Variants in KCNH7 observed in about 807,000 individuals in gnomAD.
KCNH7 encodes potassium voltage-gated channel subfamily H member 7.
A neutral mutation model predicts 120.8 loss-of-function variants in KCNH7; 49 were observed. The observed-to-expected ratio is 0.41, with a 90% CI of 0.32 to 0.51. KCNH7 has a LOEUF of 0.51. Among genes scored for constraint, KCNH7 ranks in the 20% least tolerant of loss-of-function variants. The pLI, the probability that KCNH7 is intolerant of heterozygous loss-of-function variation, is 0.38. For missense variants in KCNH7, 1,097 were observed against 1,446.6 expected, an observed-to-expected ratio of 0.76 and a Z score of 3.92; for synonymous variants, 547 against 516.1, an observed-to-expected ratio of 1.06 and a Z score of -0.81.
intron 2 of KCNH7, among the ~76,000 whole-genome samples, chr2:162,703,425 A>G (rs906775899): frequency 2.6e-5 from 4 of 152,278 alleles, no homozygotes; most frequent in Middle Eastern, 6.8e-3. Context: ...CCTCAAAGGG[A>G]TAGAGTCCAT....
chr2:162,398,228 T>C (rs1302114719), intron 10 of KCNH7, among the ~76,000 whole-genome samples: 3 of 151,878 alleles, frequency 2.0e-5, no homozygotes, highest in African/African-American at 4.8e-5. Context: ...TTTTAGATTT[T>C]GGTAGACAAG....
intron 6 of KCNH7, among the ~76,000 whole-genome samples, chr2:162,452,321 T>A (rs899413535): frequency 1.3e-5 from 2 of 152,062 alleles, no homozygotes; most frequent in African/African-American, 4.8e-5. Context: ...TCTAAGATAG[T>A]TAAGAATGGA....
intron 2 of KCNH7, among the ~76,000 whole-genome samples, chr2:162,709,615 T>C (rs541811662): frequency 6.6e-6 from 1 of 152,240 alleles, no homozygotes; most frequent in East Asian, 1.9e-4. Flanking sequence ...TCTGTCCCTC[T>C]CTTCTTTTGT....
Position 162,569,572 on chromosome 2 carries a change from C to T in KCNH7, c.308-32492G>A, listed in dbSNP as rs1425289821. Among the ~76,000 whole-genome samples the T allele has an allele frequency of 4.9e-5, 7 of 141,636 alleles. No individual in the cohort carries two copies. In the East Asian group the frequency reaches 1.1e-3, roughly 22 times the overall value. The allele number at this position is 141,636 out of a possible 152,430, so 92.9% of individuals were successfully genotyped here. On this transcript the variant is annotated intron_variant, in intron 2 of 15. Coordinates refer to ENST00000332142, the MANE Select transcript of KCNH7 (RefSeq NM_033272.4). ...TTAGTTATTTCTTGCCTTCTGCTAG[C>T]TTTTGAATGTGTTTGCTCTTGCTTT...
intron 2 of KCNH7, among the ~76,000 whole-genome samples, chr2:162,687,054 T>C (rs1247784763): frequency 2.0e-5 from 3 of 151,996 alleles, no homozygotes; most frequent in African/African-American, 7.2e-5. Context: ...AAAAAGCGAG[T>C]GTCCCTCTAT....
At chr2:162,580,235 C>G (rs6722519) in intron 2 of KCNH7, among the ~76,000 whole-genome samples, 96,474 of 151,870 alleles carry the variant, frequency 0.64, 32,215 homozygotes, top group African/African-American at 0.84. Context: ...CCATCACTTA[C>G]AAATGATGTA....
At chr2:162,555,649 C>T (rs1399579768) in intron 2 of KCNH7, among the ~76,000 whole-genome samples, 2 of 152,062 alleles carry the variant, frequency 1.3e-5, no homozygotes, top group Non-Finnish European at 2.9e-5. Flanking sequence ...TTTTTTTGAA[C>T]TAAGTTGTTT....
At chr2:162,743,899 T>G (rs1006383842) in intron 2 of KCNH7, among the ~76,000 whole-genome samples, 3 of 152,050 alleles carry the variant, frequency 2.0e-5, no homozygotes, top group Admixed American at 6.5e-5. Flanking sequence ...ATAATACTAG[T>G]GGGTAAAACG....
intron 2 of KCNH7, among the ~76,000 whole-genome samples, chr2:162,816,645 T>C (rs78563349): frequency 0.033 from 5,025 of 152,248 alleles, 175 homozygotes; most frequent in African/African-American, 0.091. Flanking sequence ...GATTCACCAC[T>C]GCTATAAGAA....
At chr2:162,814,293 T>C (rs912129871) in intron 2 of KCNH7, among the ~76,000 whole-genome samples, 2 of 152,198 alleles carry the variant, frequency 1.3e-5, no homozygotes, top group African/African-American at 2.4e-5. Context: ...TCTAATTCCT[T>C]ATCATCTTAA....
Position 162,838,506 on chromosome 2 carries a change from T to A in KCNH7, c.13A>T (p.Arg5Trp), listed in dbSNP as rs1178855974. 1 of 1,613,036 alleles carries A rather than the reference T, an allele frequency of 6.2e-7. No homozygotes were observed. The highest frequency in any genetic ancestry group is 1.1e-5 in the South Asian group (1 of 91,034). MPVR[R>W]GHVAPQNTFL... ...GTATTTTGTGGTGCCACATGCCCCCTGCGCACAGGCATGTTGGCCCCGGTC... is the reference window on the plus strand; with the variant it reads ...GTATTTTGTGGTGCCACATGCCCCCAGCGCACAGGCATGTTGGCCCCGGTC... The change falls in exon 1 of 16, where the codon AGG (arginine) becomes TGG (tryptophan). Residue 5 changes from arginine (R) to tryptophan (W), a missense_variant. Arg to Trp is a moderately radical substitution (Grantham distance 101, BLOSUM62 -3). Coordinates refer to ENST00000332142, the MANE Select transcript of KCNH7 (RefSeq NM_033272.4).
intron 13 of KCNH7, among the ~76,000 whole-genome samples, chr2:162,384,014 G>A (rs937069855): frequency 6.6e-6 from 1 of 151,572 alleles, no homozygotes; most frequent in African/African-American, 2.4e-5. Context: ...CTAGCCTCTG[G>A]TATGCTAAAA....
intron 2 of KCNH7, among the ~76,000 whole-genome samples, chr2:162,610,034 C>T (rs1037912478): frequency 3.3e-5 from 5 of 152,180 alleles, no homozygotes; most frequent in African/African-American, 9.7e-5. Context: ...GTGTCTCTTT[C>T]TCTCACTAGC....
At chr2:162,764,694 C>A (rs777333895) in intron 2 of KCNH7, among the ~76,000 whole-genome samples, 14 of 152,094 alleles carry the variant, frequency 9.2e-5, no homozygotes, top group Non-Finnish European at 2.9e-5. Flanking sequence ...AAAATCAATT[C>A]ATGAGTTATT....
intron 6 of KCNH7, among the ~76,000 whole-genome samples, chr2:162,491,632 G>A (rs1690311312): frequency 6.6e-6 from 1 of 152,160 alleles, no homozygotes; most frequent in Admixed American, 6.5e-5. Flanking sequence ...AGGCCTCCCT[G>A]TTAACATGGG....
chr2:162,477,649 ATACT>A (rs958499151), intron 6 of KCNH7, among the ~76,000 whole-genome samples: 5 of 152,224 alleles, frequency 3.3e-5, no homozygotes, highest in Non-Finnish European at 2.9e-5. Context: ...TTTTGTTCTA[ATACT>A]TATTTATTTT....
At chr2:162,626,066 G>C (rs1047637065) in intron 2 of KCNH7, among the ~76,000 whole-genome samples, 1 of 152,126 alleles carries the variant, frequency 6.6e-6, no homozygotes, top group Non-Finnish European at 1.5e-5. Flanking sequence ...GTGGAGTACT[G>C]TAGATGTGGG....
In KCNH7 at chr2:162,623,503, G is replaced by T. The variant is rs115346462; in HGVS notation, c.308-86423C>A. On this transcript the variant is annotated intron_variant, in intron 2 of 15. Coordinates refer to ENST00000332142, the MANE Select transcript of KCNH7 (RefSeq NM_033272.4). Reference sequence around the variant, plus strand: ...TGACTGTAGAACTGCTTTTTATATGGGGTCTATTAATATCATGGACACACA... The same window carrying T: ...TGACTGTAGAACTGCTTTTTATATGTGGTCTATTAATATCATGGACACACA... Among the ~76,000 whole-genome samples, 686 of 152,104 alleles carry T rather than the reference G, an allele frequency of 4.5e-3. 7 individuals are homozygous for T. Among genetic ancestry groups the T allele is most frequent in the African/African-American group, 0.016 (659 of 41,486 alleles).
At chr2:162,384,626 A>C in intron 13 of KCNH7, 62 bp downstream of exon 13, 1 of 1,519,482 alleles carries the variant, frequency 6.6e-7, no homozygotes, top group Non-Finnish European at 9.0e-7. Flanking sequence ...TTAATTTGTA[A>C]AAAGTCACCA....
Sources: gnomAD v4.1 joint callset for allele counts (sites outside exome capture counted in the v4.1 genomes callset) on GRCh38, gnomAD v4.1.1 for gene constraint, MANE v1.5 for transcripts, NCBI Gene and HGNC (gene_info 2026-07-23, HGNC 2026-07-21) for gene names.